The following SNX29 variants were observed in gnomAD, a reference collection of about 807,000 sequenced individuals.
SNX29 encodes sorting nexin-29.
In SNX29, 78 loss-of-function variants were observed where a neutral mutation model predicts 102.1. That is an observed-to-expected ratio of 0.76 (90% CI 0.64 to 0.92). The LOEUF is 0.92. Among genes scored for constraint, SNX29 ranks in the 40% least tolerant of loss-of-function variants. The probability of loss-of-function intolerance (pLI) is 0.00; values close to 1 mark genes in which losing one functional copy is unlikely to be tolerated. For missense variants in SNX29, 1,280 were observed against 1,061.7 expected (o/e 1.21, Z -2.86); for synonymous variants, 580 against 414.5 (o/e 1.40, Z -4.85).
Position 12,534,449 on chromosome 16 carries a change from G to A in SNX29, c.2318+9608G>A, listed in dbSNP as rs759691663. 3.3e-5 allele frequency among the ~76,000 whole-genome samples: 5 copies of A among 152,214 alleles called. No homozygotes were observed. The East Asian group carries it at 5.8e-4, about 18-fold the overall frequency. ...GCACTCGGTTGCCTGTAGAAAGAACGCAGATTAGGGAGGCTTTGGTTTTTG... is the reference window on the plus strand; with the variant it reads ...GCACTCGGTTGCCTGTAGAAAGAACACAGATTAGGGAGGCTTTGGTTTTTG... On this transcript the variant is annotated intron_variant, in intron 20 of 20. Coordinates refer to ENST00000566228, the MANE Select transcript of SNX29 (RefSeq NM_032167.5).
intron 13 of SNX29, among the ~76,000 whole-genome samples, chr16:12,196,603 C>CTTTTCTT (rs1188068997): frequency 1.1e-4 from 17 of 147,894 alleles, no homozygotes; most frequent in African/African-American, 3.9e-4. Context: ...ACTTTTTTTA[C>CTTTTCTT]TTTTCTTTTT....
At chr16:12,554,537 C>T (rs769720820) in intron 20 of SNX29, among the ~76,000 whole-genome samples, 11 of 152,336 alleles carry the variant, frequency 7.2e-5, no homozygotes, top group East Asian at 1.9e-4. Flanking sequence ...TTCTCGCCCA[C>T]GTTTTTGTGA....
At chr16:12,068,230 A>T (rs1368563012) in intron 9 of SNX29, among the ~76,000 whole-genome samples, 2 of 152,066 alleles carry the variant, frequency 1.3e-5, no homozygotes, top group Non-Finnish European at 2.9e-5. Context: ...TAATCCCAGC[A>T]CTTTGGGAGG....
intron 16 of SNX29, among the ~76,000 whole-genome samples, chr16:12,376,478 G>A (rs560972116): frequency 1.3e-5 from 2 of 152,180 alleles, no homozygotes; most frequent in African/African-American, 4.8e-5. Flanking sequence ...GCTCATACCT[G>A]TAATCTCAAC....
intron 1 of SNX29, among the ~76,000 whole-genome samples, chr16:11,983,235 A>ATTT (rs557542669): frequency 6.3e-4 from 81 of 129,592 alleles, no homozygotes; most frequent in East Asian, 2.2e-3. Context: ...CTGGGTTACA[A>ATTT]TTTTTTTTTT....
In SNX29 at chr16:12,570,605, T is replaced by G. The variant is rs1275112365; in HGVS notation, c.*1976T>G. On this transcript the variant is annotated 3_prime_UTR_variant, in exon 21 of 21. Coordinates refer to ENST00000566228, the MANE Select transcript of SNX29 (RefSeq NM_032167.5). ...GCCTGGGTAGCTACCCTGGAGGTCATCTCCCTGTTCTCTGTTGGATAAAGG... is the reference window on the plus strand; with the variant it reads ...GCCTGGGTAGCTACCCTGGAGGTCAGCTCCCTGTTCTCTGTTGGATAAAGG... The G allele has an allele frequency of 8.6e-6, 2 of 232,008 alleles. No individual in the cohort carries two copies. 14.4% of individuals were successfully genotyped at this position (232,008 alleles called of 1,614,324 possible).
rs150902564 is a variant in SNX29 at position 12,533,400 on chromosome 16, G to C, written c.2318+8559G>C. Among the ~76,000 whole-genome samples the C allele has an allele frequency of 4.9e-3, 752 of 152,254 alleles. 8 individuals are homozygous for C. The highest frequency in any genetic ancestry group is 0.017 in the African/African-American group (707 of 41,548). On this transcript the variant is annotated intron_variant, in intron 20 of 20. Coordinates refer to ENST00000566228, the MANE Select transcript of SNX29 (RefSeq NM_032167.5). ...GGTCATGGAGTCTTTCGCCCCTTTT[G>C]TGATGTGTTGATGCATATTTCCACC...
chr16:12,361,806 C>G (rs2082307336), intron 16 of SNX29, among the ~76,000 whole-genome samples: 1 of 152,040 alleles, frequency 6.6e-6, no homozygotes, highest in South Asian at 2.1e-4. Context: ...CATCCCCATG[C>G]TAAGAAGTTA....
intron 3 of SNX29, among the ~76,000 whole-genome samples, chr16:12,018,752 T>G (rs2056925825): frequency 1.3e-5 from 2 of 151,296 alleles, no homozygotes; most frequent in Admixed American, 1.3e-4. Flanking sequence ...TTGTCTTTTT[T>G]TTTTTTTTCC....
rs1005304103 is a variant in SNX29 at position 11,983,917 on chromosome 16, G to GA, written c.7+7112dup. 3.3e-5 allele frequency among the ~76,000 whole-genome samples: 5 copies of GA among 151,652 alleles called. No individual in the cohort carries two copies. In the East Asian group the frequency reaches 5.8e-4, roughly 18 times the overall value. On this transcript the variant is annotated intron_variant, in intron 1 of 20. Transcript: ENST00000566228. Reference sequence around the variant, plus strand: ...GGGGTGAACACTGGTTCTCAGGAGAGAAAAAAAACTTACTTGGATGTATAA... The same window carrying GA: ...GGGGTGAACACTGGTTCTCAGGAGAGAAAAAAAAACTTACTTGGATGTATAA...
intron 14 of SNX29, among the ~76,000 whole-genome samples, chr16:12,227,290 C>G (rs1567333415): frequency 6.6e-6 from 1 of 152,212 alleles, no homozygotes; most frequent in Non-Finnish European, 1.5e-5. Flanking sequence ...CTCACCTTTT[C>G]CTTTTCCTCA....
At chr16:12,291,412 G>A (rs1356837792) in intron 15 of SNX29, among the ~76,000 whole-genome samples, 4 of 152,152 alleles carry the variant, frequency 2.6e-5, no homozygotes, top group African/African-American at 7.2e-5. Context: ...AGAACAGCAC[G>A]GGAAAGACCC....
chr16:12,290,121 C>T (rs1379648138), intron 15 of SNX29, among the ~76,000 whole-genome samples: 2 of 152,188 alleles, frequency 1.3e-5, no homozygotes, highest in Admixed American at 1.3e-4. Flanking sequence ...ATTTCTTTTT[C>T]TGCTTAAAAC....
chr16:12,488,539 A>G (rs2088369980), intron 19 of SNX29, among the ~76,000 whole-genome samples: 1 of 152,156 alleles, frequency 6.6e-6, no homozygotes, highest in Non-Finnish European at 1.5e-5. Context: ...AGTGCCGGGT[A>G]CAGAGTCGAA....
rs1431650944 is a variant in SNX29, at chr16:12,570,902, T to G, written c.*2273T>G. On this transcript the variant is annotated 3_prime_UTR_variant, in exon 21 of 21. Coordinates refer to ENST00000566228, the MANE Select transcript of SNX29 (RefSeq NM_032167.5). ...AATACTGAATTATTCACAAAAAACC[T>G]GGTCTGCTCTCCAAAATGAGAGCAT... The G allele has an allele frequency of 1.3e-5, 3 of 226,104 alleles. No individual in the cohort carries two copies. Among genetic ancestry groups the G allele is most frequent in the East Asian group, 6.3e-5 (1 of 15,822 alleles). The allele number at this position is 226,104 out of a possible 1,614,324, so 14.0% of individuals were successfully genotyped here.
In SNX29 at chr16:12,295,800, G is replaced by C. The variant is rs572071480; in HGVS notation, c.1782+17764G>C. Among the ~76,000 whole-genome samples the C allele has an allele frequency of 8.6e-5, 13 of 151,674 alleles. No homozygotes were observed. The South Asian group carries it at 2.7e-3, about 32-fold the overall frequency. On this transcript the variant is annotated intron_variant, in intron 15 of 20. Transcript: ENST00000566228. ...TTTTTTTCCTCACTCCCTTCAAGTA[G>C]ATTTTTTTTTTAATCCATTTTTAAG...
intron 18 of SNX29, 107 bp downstream of exon 18, chr16:12,403,636 G>T (rs2084048713): frequency 3.7e-6 from 4 of 1,074,142 alleles, no homozygotes; most frequent in Middle Eastern, 2.7e-4. Flanking sequence ...TGATTAGGAG[G>T]CTATGGCCTT....
intron 20 of SNX29, among the ~76,000 whole-genome samples, chr16:12,543,783 C>G (rs890123168): frequency 6.6e-6 from 1 of 152,220 alleles, no homozygotes; most frequent in African/African-American, 2.4e-5. Context: ...CAAGATGTAT[C>G]TGGTGCTCTA....
Position 12,573,328 on chromosome 16 carries a change from A to G in SNX29, c.*4699A>G, listed in dbSNP as rs1398283994. ...GGGCCCGATTTGGGTACTCTGAATT[A>G]TGTCATGGAGTAGACAGTTACTTCT... On this transcript the variant is annotated 3_prime_UTR_variant, in exon 21 of 21. Transcript: ENST00000566228. 4.4e-6 allele frequency: 1 copy of G among 226,044 alleles called. No individual in the cohort carries two copies. The highest frequency in any genetic ancestry group is 8.8e-6 in the Non-Finnish European group (1 of 113,684). The allele number at this position is 226,044 out of a possible 1,614,324, so 14.0% of individuals were successfully genotyped here.
Sources: gnomAD v4.1 joint callset for allele counts (sites outside exome capture counted in the v4.1 genomes callset) on GRCh38, gnomAD v4.1.1 for gene constraint, MANE v1.5 for transcripts, NCBI Gene and HGNC (gene_info 2026-07-23, HGNC 2026-07-21) for gene names.